Variants in CYFIP2 observed in about 807,000 individuals in gnomAD.
The protein encoded by CYFIP2 is cytoplasmic FMR1-interacting protein 2.
In CYFIP2, 29 loss-of-function variants were observed where a neutral mutation model predicts 158.7. The ratio of observed to expected loss-of-function variants is 0.18; its 90% confidence interval spans 0.14 to 0.25. CYFIP2 has a LOEUF of 0.25. Ranked by LOEUF, CYFIP2 falls within the 10% of genes least tolerant of loss-of-function variation. CYFIP2 has a pLI of 1.00. For synonymous variants in CYFIP2, 585 were observed against 617.6 expected (o/e 0.95, Z 0.78); for missense variants, 852 against 1,639.5 (o/e 0.52, Z 8.29).
intron 5 of CYFIP2, among the ~76,000 whole-genome samples, chr5:157,300,244 A>G (rs2113885982): frequency 6.6e-6 from 1 of 152,250 alleles, no homozygotes; most frequent in East Asian, 1.9e-4. Flanking sequence ...TCAAGAAATC[A>G]GCTTCGGGCC....
chr5:157,268,027 C>T (rs999331589), intron 1 of CYFIP2, among the ~76,000 whole-genome samples: 39 of 152,228 alleles, frequency 2.6e-4, no homozygotes, highest in Admixed American at 1.3e-4. Context: ...TGTCCACTTT[C>T]GGGATGAGAA....
At chr5:157,300,516 G>A (rs1200735108) in intron 5 of CYFIP2, among the ~76,000 whole-genome samples, 199 bp from the exon 6 acceptor site, 1 of 143,210 alleles carries the variant, frequency 7.0e-6, no homozygotes, top group African/African-American at 2.6e-5. Flanking sequence ...GCCTGGTGAC[G>A]AAGCAAGACT....
chr5:157,314,852 G>C (rs1050739927), intron 12 of CYFIP2, 117 bp from the exon 13 acceptor site: 2 of 821,828 alleles, frequency 2.4e-6, no homozygotes, highest in African/African-American at 1.7e-5. Context: ...GTTGTAGCAT[G>C]AATCAGTACT....
At chr5:157,340,876 T>C (rs995423112) in intron 22 of CYFIP2, among the ~76,000 whole-genome samples, 194 bp from the exon 23 acceptor site, 3 of 152,206 alleles carry the variant, frequency 2.0e-5, no homozygotes, top group Admixed American at 2.0e-4. Context: ...TTTTCCCATC[T>C]ATAGAAAGGA....
At position 157,310,493 on chromosome 5, in the gene CYFIP2, T is replaced by C. The variant is rs79021627; in HGVS notation, c.992+659T>C. Among the ~76,000 whole-genome samples, 21 of 152,346 alleles carry C rather than the reference T, an allele frequency of 1.4e-4. No homozygotes were observed. In the East Asian group the frequency reaches 4.0e-3, roughly 29 times the overall value. On this transcript the variant is annotated intron_variant, in intron 10 of 30. Transcript: ENST00000620254. ...ATCTTAAGAAGATATGAATGGAGTG[T>C]CCTTGAACTGCATCCGCCTGGAGCC...
chr5:157,316,470 A>G (rs1352927871), intron 13 of CYFIP2, among the ~76,000 whole-genome samples: 14 of 152,246 alleles, frequency 9.2e-5, no homozygotes, highest in Admixed American at 9.2e-4. Flanking sequence ...AACCATGAAC[A>G]GTAGTAATTT....
intron 22 of CYFIP2, among the ~76,000 whole-genome samples, chr5:157,339,994 G>C (rs1762130348): frequency 6.6e-6 from 1 of 152,220 alleles, no homozygotes. Flanking sequence ...GACATGATCA[G>C]ATTGTATGTT....
chr5:157,340,933 A>T, intron 22 of CYFIP2, 137 bp from the exon 23 acceptor site: 1 of 732,540 alleles, frequency 1.4e-6, no homozygotes, highest in Non-Finnish European at 2.4e-6. Flanking sequence ...GTACCTTTAT[A>T]GTCAACCACC....
chr5:157,330,620 A>T, intron 19 of CYFIP2, 122 bp from the exon 20 acceptor site: 1 of 687,270 alleles, frequency 1.5e-6, no homozygotes, highest in Non-Finnish European at 2.4e-6. Context: ...AAACAATTTT[A>T]CTTAAGTTAT....
intron 1 of CYFIP2, chr5:157,271,465 C>G (rs1263534587): frequency 6.5e-6 from 1 of 152,798 alleles, no homozygotes; most frequent in Non-Finnish European, 1.5e-5. Context: ...AGCCAACCCC[C>G]CAACTCTGCT....
At chr5:157,358,059 G>A (rs11738062) in intron 23 of CYFIP2, among the ~76,000 whole-genome samples, 15,146 of 152,066 alleles carry the variant, frequency 0.1, 831 homozygotes, top group Middle Eastern at 0.15. Flanking sequence ...TAGATTTGTC[G>A]GGTGGATTAA....
At chr5:157,353,003 C>T (rs1245104789) in intron 23 of CYFIP2, among the ~76,000 whole-genome samples, 1 of 152,148 alleles carries the variant, frequency 6.6e-6, no homozygotes, top group Non-Finnish European at 1.5e-5. Context: ...GGAAACAGAT[C>T]GTCCCCTGCA....
chr5:157,326,694 C>T (rs1761047235), intron 18 of CYFIP2, among the ~76,000 whole-genome samples: 1 of 152,220 alleles, frequency 6.6e-6, no homozygotes, highest in African/African-American at 2.4e-5. Flanking sequence ...GAAGGCTTCT[C>T]AGAACTGGTT....
At chr5:157,314,825 C>G in intron 12 of CYFIP2, 144 bp from the exon 13 acceptor site, 3 of 710,208 alleles carry the variant, frequency 4.2e-6, no homozygotes, top group Non-Finnish European at 6.9e-6. Flanking sequence ...CTTTTGCATA[C>G]TTACAAGGTT....
At chr5:157,321,698 C>T (rs1760604803) in intron 15 of CYFIP2, among the ~76,000 whole-genome samples, 1 of 152,046 alleles carries the variant, frequency 6.6e-6, no homozygotes, top group African/African-American at 2.4e-5. Context: ...CTGAGGCCCA[C>T]CCCCGACCCT....
rs776574021 is a variant in CYFIP2, at chr5:157,360,232, C to A, written c.2818-50C>A. ...AGAGGTCTCAGCATAACCTCCATAC[C>A]CCGCATAGCCCAGAATTCAGCCCAC... On this transcript the variant is annotated intron_variant, in intron 24 of 30. Transcript: ENST00000620254. 2.0e-6 allele frequency: 3 copies of A among 1,509,176 alleles called. No individual in the cohort carries two copies. The Admixed American group carries it at 5.2e-5, about 26-fold the overall frequency. 93.5% of individuals were successfully genotyped at this position (1,509,176 alleles called of 1,614,324 possible).
chr5:157,361,741 A>G lies in CYFIP2; in HGVS notation c.3039+143A>G. On this transcript the variant is annotated intron_variant, in intron 26 of 30. Transcript: ENST00000620254. The surrounding 1 kb of genome is among the most constrained non-coding windows in gnomAD (Gnocchi z 4.4). ...CTTTTCAGTTCATTTCCAGACAGACATGGATTCTAGTCCTGGCTCCCCCAT... is the reference window on the plus strand; with the variant it reads ...CTTTTCAGTTCATTTCCAGACAGACGTGGATTCTAGTCCTGGCTCCCCCAT... 1 of 1,092,782 alleles carries G rather than the reference A, an allele frequency of 9.2e-7. No homozygotes were observed. Among genetic ancestry groups the G allele is most frequent in the Non-Finnish European group, 1.3e-6 (1 of 776,860 alleles). 67.7% of individuals were successfully genotyped at this position (1,092,782 alleles called of 1,614,324 possible). A position where few individuals can be genotyped will look rare whatever the true frequency, so the allele number is the denominator to read the frequency against.
At chr5:157,272,991 C>G (rs565670683) in intron 1 of CYFIP2, among the ~76,000 whole-genome samples, 12 of 152,194 alleles carry the variant, frequency 7.9e-5, no homozygotes, top group Admixed American at 4.6e-4. Context: ...CTCAGCCTCC[C>G]GAGTAGCTGG....
At chr5:157,387,463 C>T (rs1225457603) in intron 28 of CYFIP2, among the ~76,000 whole-genome samples, 1 of 152,168 alleles carries the variant, frequency 6.6e-6, no homozygotes, top group Non-Finnish European at 1.5e-5. Context: ...TCAAATTAAC[C>T]AAATGCACAG....
Sources: gnomAD v4.1 joint callset for allele counts (sites outside exome capture counted in the v4.1 genomes callset) on GRCh38, gnomAD v4.1.1 for gene constraint, Gnocchi (gnomAD v3.1) non-coding constraint, MANE v1.5 for transcripts, NCBI Gene and HGNC (gene_info 2026-07-23, HGNC 2026-07-21) for gene names.